Variants in AK5 observed in about 807,000 individuals in gnomAD.
The protein encoded by AK5 is adenylate kinase isoenzyme 5.
In AK5, 27 loss-of-function variants were observed where a neutral mutation model predicts 69.5. The observed-to-expected ratio is 0.39, with a 90% CI of 0.29 to 0.54. The LOEUF (loss-of-function observed/expected upper bound fraction) is 0.54, where lower values mean the gene tolerates loss of function less well. Among genes scored for constraint, AK5 ranks in the 20% least tolerant of loss-of-function variants. AK5 has a pLI of 0.71. For synonymous variants in AK5, 260 were observed against 244.4 expected, an observed-to-expected ratio of 1.06 and a Z score of -0.60; for missense variants, 531 against 700.4, an observed-to-expected ratio of 0.76 and a Z score of 2.73.
intron 13 of AK5, chr1:77,540,649 C>T (rs1180157459): frequency 6.6e-6 from 1 of 152,198 alleles, no homozygotes; most frequent in Non-Finnish European, 1.5e-5. Flanking sequence ...GAATATGGGC[C>T]TGTGCATCAG....
At chr1:77,436,342 A>G (rs754062334) in intron 8 of AK5, among the ~76,000 whole-genome samples, 4 of 152,032 alleles carry the variant, frequency 2.6e-5, no homozygotes, top group Admixed American at 2.6e-4. Context: ...AGAATTATAT[A>G]TGTTAATTAA....
chr1:77,474,335 G>T (rs138258133), intron 8 of AK5, among the ~76,000 whole-genome samples: 1 of 152,056 alleles, frequency 6.6e-6, no homozygotes, highest in Non-Finnish European at 1.5e-5. Context: ...TCCCAACTCC[G>T]ACCTGGATAT....
At chr1:77,387,304 T>C (rs965705631) in intron 6 of AK5, among the ~76,000 whole-genome samples, 2 of 152,172 alleles carry the variant, frequency 1.3e-5, no homozygotes. Context: ...ACAATGGCAT[T>C]GGCAATGGAA....
At chr1:77,510,742 C>T (rs1657293777) in intron 10 of AK5, among the ~76,000 whole-genome samples, 1 of 151,984 alleles carries the variant, frequency 6.6e-6, no homozygotes, top group African/African-American at 2.4e-5. Context: ...AGTCTTTCAG[C>T]TGCTATTATA....
chr1:77,331,827 T>A (rs2100355073), intron 5 of AK5, among the ~76,000 whole-genome samples: 2 of 152,346 alleles, frequency 1.3e-5, no homozygotes, highest in East Asian at 3.9e-4. Context: ...GTCTATGGTT[T>A]TGTTTTTGTG....
intron 10 of AK5, among the ~76,000 whole-genome samples, chr1:77,489,265 T>A (rs1415417266): frequency 6.6e-6 from 1 of 152,174 alleles, no homozygotes; most frequent in Non-Finnish European, 1.5e-5. Context: ...AGCAAAAGAT[T>A]TTTCTTCTAT....
chr1:77,326,228 A>G (rs1041489517), intron 5 of AK5, among the ~76,000 whole-genome samples: 2 of 152,186 alleles, frequency 1.3e-5, no homozygotes, highest in African/African-American at 2.4e-5. Context: ...GTGCAATACC[A>G]TCACTCCTCC....
chr1:77,511,334 A>T (rs914765448), intron 10 of AK5, among the ~76,000 whole-genome samples: 14 of 152,312 alleles, frequency 9.2e-5, no homozygotes, highest in African/African-American at 3.1e-4. Context: ...TCTGTAATAT[A>T]TGTATGTATT....
At chr1:77,484,385 A>G (rs982046881) in intron 9 of AK5, among the ~76,000 whole-genome samples, 2 of 152,224 alleles carry the variant, frequency 1.3e-5, no homozygotes, top group African/African-American at 2.4e-5. Context: ...ACATATAAGT[A>G]AGTGATTTAG....
At chr1:77,465,511 A>C (rs1654086324) in intron 8 of AK5, among the ~76,000 whole-genome samples, 1 of 152,148 alleles carries the variant, frequency 6.6e-6, no homozygotes, top group Non-Finnish European at 1.5e-5. Flanking sequence ...TTACCTCTTA[A>C]CCGGGACGTC....
intron 7 of AK5, among the ~76,000 whole-genome samples, chr1:77,411,403 C>T (rs766508681): frequency 3.4e-4 from 52 of 152,048 alleles, no homozygotes; most frequent in Non-Finnish European, 6.5e-4. Flanking sequence ...CTCCAGGACC[C>T]CCTAACTCAT....
intron 5 of AK5, among the ~76,000 whole-genome samples, chr1:77,325,904 G>A (rs1660778060): frequency 6.6e-6 from 1 of 151,878 alleles, no homozygotes; most frequent in Non-Finnish European, 1.5e-5. Context: ...AATGAATGAA[G>A]AATAGTGAGC....
intron 5 of AK5, among the ~76,000 whole-genome samples, chr1:77,323,151 G>C (rs552353341): frequency 6.6e-6 from 1 of 152,036 alleles, no homozygotes; most frequent in East Asian, 1.9e-4. Context: ...ACCACGCCCG[G>C]CTAATTTTTT....
intron 13 of AK5, among the ~76,000 whole-genome samples, chr1:77,542,045 C>T (rs1285464192): frequency 6.6e-6 from 1 of 152,130 alleles, no homozygotes; most frequent in Non-Finnish European, 1.5e-5. Context: ...AAGAGAAAAA[C>T]AGGCCAGGCA....
chr1:77,439,350 G>A (rs1314859849), intron 8 of AK5, among the ~76,000 whole-genome samples: 1 of 152,136 alleles, frequency 6.6e-6, no homozygotes, highest in African/African-American at 2.4e-5. Flanking sequence ...CATACAATGT[G>A]TAATGATCAG....
At chr1:77,473,820 G>A (rs1354103570) in intron 8 of AK5, among the ~76,000 whole-genome samples, 4 of 152,140 alleles carry the variant, frequency 2.6e-5, no homozygotes, top group African/African-American at 4.8e-5. Context: ...GATCATCTAC[G>A]TAAAGAGCTT....
chr1:77,557,293 T>G, intron 13 of AK5: 1 of 209,354 alleles, frequency 4.8e-6, no homozygotes, highest in Admixed American at 4.4e-5. Context: ...TTTGTCAAGG[T>G]CAAGAGTTGG....
At chr1:77,382,227 A>ATTTTTTTTTTTTTTTTTTTTTTTT (rs11306378) in intron 6 of AK5, among the ~76,000 whole-genome samples, 1 of 136,734 alleles carries the variant, frequency 7.3e-6, no homozygotes, top group Non-Finnish European at 1.6e-5. Context: ...TAATCTTTTA[A>ATTTTTTTTTTTTTTTTTTTTTTTT]TTTTTTTTTT....
At chr1:77,520,465 T>C (rs1657918498) in intron 11 of AK5, among the ~76,000 whole-genome samples, 1 of 152,216 alleles carries the variant, frequency 6.6e-6, no homozygotes, top group Non-Finnish European at 1.5e-5. Context: ...TCCAGTGTTA[T>C]TTCTCACCAC....
Sources: gnomAD v4.1 joint callset for allele counts (sites outside exome capture counted in the v4.1 genomes callset) on GRCh38, gnomAD v4.1.1 for gene constraint, MANE v1.5 for transcripts, NCBI Gene and HGNC (gene_info 2026-07-23, HGNC 2026-07-21) for gene names.